MGAT4C: variants seen among roughly 807,000 people sequenced by gnomAD.
MGAT4C encodes the protein alpha-1,3-mannosyl-glycoprotein 4-beta-N-acetylglucosaminyltransferase C.
MGAT4C carries 19 observed loss-of-function variants against 40.1 expected under a neutral mutation model. The ratio of observed to expected loss-of-function variants is 0.47; its 90% CI spans 0.33 to 0.70. The LOEUF is 0.70. Ranked by LOEUF, MGAT4C falls within the 30% of genes least tolerant of loss-of-function variation. MGAT4C has a pLI of 0.02. For missense variants in MGAT4C, 491 were observed against 563.2 expected, an observed-to-expected ratio of 0.87 and a Z score of 1.30; for synonymous variants, 181 against 187.1, an observed-to-expected ratio of 0.97 and a Z score of 0.27.
chr12:86,168,274 A>G (rs1406688104), intron 1 of MGAT4C, among the ~76,000 whole-genome samples: 1 of 152,168 alleles, frequency 6.6e-6, no homozygotes, highest in Non-Finnish European at 1.5e-5. Context: ...TAAACTCCCA[A>G]CTACAAAGTT....
At chr12:86,538,373 C>T (rs1292808335) in intron 2 of MGAT4C, among the ~76,000 whole-genome samples, 1 of 152,106 alleles carries the variant, frequency 6.6e-6, no homozygotes, top group African/African-American at 2.4e-5. Context: ...TCTGTGAGGA[C>T]TGCAATGGCT....
chr12:86,140,563 C>T (rs544937838), intron 1 of MGAT4C, among the ~76,000 whole-genome samples: 3 of 152,132 alleles, frequency 2.0e-5, no homozygotes, highest in South Asian at 2.1e-4. Context: ...ATGTAGATGA[C>T]GGGTTGATGG....
intron 2 of MGAT4C, among the ~76,000 whole-genome samples, chr12:86,567,058 T>C (rs532544807): frequency 9.8e-4 from 149 of 152,196 alleles, no homozygotes; most frequent in African/African-American, 3.3e-3. Flanking sequence ...CAAATTACAA[T>C]GTCAACTAGG....
intron 1 of MGAT4C, among the ~76,000 whole-genome samples, chr12:86,795,533 G>A (rs1952099089): frequency 6.6e-6 from 1 of 151,702 alleles, no homozygotes; most frequent in South Asian, 2.1e-4. Flanking sequence ...TTATTTATAT[G>A]TACTCAAGCT....
At chr12:86,735,017 C>T (rs1393933582) in intron 1 of MGAT4C, among the ~76,000 whole-genome samples, 1 of 151,904 alleles carries the variant, frequency 6.6e-6, no homozygotes, top group Non-Finnish European at 1.5e-5. Context: ...GCTGAAGAAA[C>T]ATGATTTTTT....
At chr12:86,056,496 T>A (rs1893409751) in intron 1 of MGAT4C, among the ~76,000 whole-genome samples, 2 of 152,172 alleles carry the variant, frequency 1.3e-5, no homozygotes, top group Admixed American at 6.5e-5. Context: ...TGGTTTTCTG[T>A]TCTTGTGGTA....
intron 2 of MGAT4C, among the ~76,000 whole-genome samples, chr12:86,669,966 T>A (rs1267565777): frequency 2.0e-5 from 3 of 150,916 alleles, no homozygotes; most frequent in Non-Finnish European, 4.4e-5. Context: ...CAGCATTATC[T>A]AGGGTGACAA....
intron 1 of MGAT4C, among the ~76,000 whole-genome samples, chr12:86,782,716 G>A (rs1032824003): frequency 3.3e-5 from 5 of 151,962 alleles, no homozygotes; most frequent in Non-Finnish European, 5.9e-5. Context: ...ATAAGAATGG[G>A]AACTTAATCC....
chr12:86,252,598 T>C (rs992817733), intron 1 of MGAT4C, among the ~76,000 whole-genome samples: 1 of 151,976 alleles, frequency 6.6e-6, no homozygotes, highest in Non-Finnish European at 1.5e-5. Context: ...CTAGCATTAG[T>C]AGCTACCAAG....
intron 2 of MGAT4C, among the ~76,000 whole-genome samples, chr12:85,999,581 GTGTATATATA>G (rs374853477): frequency 0.31 from 35,913 of 116,732 alleles, 4,985 homozygotes; most frequent in Non-Finnish European, 0.38. Context: ...GTGTGTGTGT[GTGTATATATA>G]TATATATATA....
intron 3 of MGAT4C, among the ~76,000 whole-genome samples, chr12:86,366,121 T>C (rs117881872): frequency 6.6e-6 from 1 of 152,324 alleles, no homozygotes; most frequent in Non-Finnish European, 1.5e-5. Context: ...ATTAGATGAA[T>C]TCCCAGGTAT....
chr12:86,562,061 C>T (rs1286773773), intron 2 of MGAT4C, among the ~76,000 whole-genome samples: 1 of 152,138 alleles, frequency 6.6e-6, no homozygotes, highest in East Asian at 1.9e-4. Context: ...CCTTTCACCA[C>T]ATGTGGAGAA....
At chr12:86,607,128 T>A (rs1962070306) in intron 2 of MGAT4C, among the ~76,000 whole-genome samples, 1 of 152,068 alleles carries the variant, frequency 6.6e-6, no homozygotes, top group Non-Finnish European at 1.5e-5. Context: ...ATTCTCATAC[T>A]TTTTTCCCTT....
intron 2 of MGAT4C, chr12:86,002,447 T>G (rs1249975818): frequency 6.6e-6 from 1 of 152,080 alleles, no homozygotes; most frequent in African/African-American, 2.4e-5. Flanking sequence ...AACCTTAACT[T>G]GTTCCATCTG....
At chr12:86,164,010 T>C (rs1265249422) in intron 1 of MGAT4C, among the ~76,000 whole-genome samples, 2 of 152,212 alleles carry the variant, frequency 1.3e-5, no homozygotes, top group African/African-American at 2.4e-5. Context: ...GCAGTTAGCA[T>C]ACCTGAGTTG....
intron 1 of MGAT4C, among the ~76,000 whole-genome samples, chr12:86,193,007 C>T (rs1889698423): frequency 6.6e-6 from 1 of 151,944 alleles, no homozygotes; most frequent in African/African-American, 2.4e-5. Flanking sequence ...TCACTTCTTA[C>T]TTTTGTATAT....
At chr12:86,781,977 A>T (rs776172884) in intron 1 of MGAT4C, among the ~76,000 whole-genome samples, 7 of 151,976 alleles carry the variant, frequency 4.6e-5, no homozygotes, top group Middle Eastern at 3.4e-3. Context: ...ATTAAAGTTT[A>T]TTCATAGACT....
rs1957832151 is a variant in MGAT4C, at chr12:86,476,127, G to A, written c.-228-40862C>T. On this transcript the variant is annotated intron_variant, in intron 2 of 7. Transcript: ENST00000548651. ...AAATTTTCAGTATAAAATACAATAT[G>A]ATGCAATATTCTTTATACATTACGT... Among the ~76,000 whole-genome samples, 3 of 152,190 alleles carry A rather than the reference G, an allele frequency of 2.0e-5. No homozygotes were observed. The South Asian group carries it at 6.2e-4, about 32-fold the overall frequency.
At chr12:86,225,187 A>T (rs956368682) in intron 1 of MGAT4C, among the ~76,000 whole-genome samples, 3 of 152,088 alleles carry the variant, frequency 2.0e-5, no homozygotes, top group Admixed American at 6.5e-5. Flanking sequence ...CAAACTGGAA[A>T]ACCTAGAGAA....
Sources: allele counts gnomAD v4.1 joint callset (sites outside exome capture counted in the v4.1 genomes callset), GRCh38; gene constraint gnomAD v4.1.1; transcripts MANE v1.5; gene names NCBI Gene and HGNC (gene_info 2026-07-23, HGNC 2026-07-21).